ERICH5: variants seen among roughly 807,000 people sequenced by gnomAD.
ERICH5 encodes the protein glutamate-rich protein 5.
In ERICH5, 24 loss-of-function variants were observed where a neutral mutation model predicts 28.0. The ratio of observed to expected loss-of-function variants is 0.86; its 90% CI spans 0.62 to 1.21. The LOEUF (loss-of-function observed/expected upper bound fraction) is 1.21, where lower values mean the gene tolerates loss of function less well. ERICH5 is among the 50% of genes most tolerant of loss of function. The probability of loss-of-function intolerance (pLI) is 0.00; values close to 1 mark genes in which losing one functional copy is unlikely to be tolerated. For synonymous variants in ERICH5, 163 were observed against 157.6 expected, an observed-to-expected ratio of 1.03 and a Z score of -0.25; for missense variants, 421 against 441.2, an observed-to-expected ratio of 0.95 and a Z score of 0.41.
intron 1 of ERICH5, among the ~76,000 whole-genome samples, chr8:98,079,963 G>T (rs1239557487): frequency 6.6e-6 from 1 of 152,170 alleles, no homozygotes; most frequent in Non-Finnish European, 1.5e-5. Flanking sequence ...CTTTAATGTT[G>T]CAAGTTAGCT....
In ERICH5 at chr8:98,089,808, A is replaced by T; in HGVS notation, c.791A>T (p.Glu264Val). 4.3e-6 allele frequency: 7 copies of T among 1,614,178 alleles called. No individual in the cohort carries two copies. Among genetic ancestry groups the T allele is most frequent in the Non-Finnish European group, 5.1e-6 (6 of 1,180,014 alleles). Residue 264 changes from glutamate (E) to valine (V), a missense_variant, in exon 2 of 3, where the codon GAG becomes GTG. Glu to Val is a moderately radical substitution (Grantham distance 121). Transcript: ENST00000318528. ...QPQLLERIPK[E>V]NVTPEVLDRS... is the part of the protein sequence containing the mutation. ...CAGCTTCTAGAAAGAATTCCCAAAGAGAATGTAACACCAGAAGTATTGGAC... is the reference window on the plus strand; with the variant it reads ...CAGCTTCTAGAAAGAATTCCCAAAGTGAATGTAACACCAGAAGTATTGGAC...
At chr8:98,088,331 A>G (rs16896628) in intron 1 of ERICH5, among the ~76,000 whole-genome samples, 42,800 of 152,130 alleles carry the variant, frequency 0.28, 6,319 homozygotes, top group East Asian at 0.4. Context: ...ATCAATATGA[A>G]GGAGAGAAGA....
chr8:98,079,502 T>G, intron 1 of ERICH5, among the ~76,000 whole-genome samples: 1 of 152,208 alleles, frequency 6.6e-6, no homozygotes, highest in South Asian at 2.1e-4. Flanking sequence ...CAATCAAGTT[T>G]AGTTAAATCA....
chr8:98,083,128 TAGG>T (rs1193350291), intron 1 of ERICH5, among the ~76,000 whole-genome samples: 1 of 152,242 alleles, frequency 6.6e-6, no homozygotes, highest in Non-Finnish European at 1.5e-5. Flanking sequence ...ATTTTTGCTC[TAGG>T]AGAATAATGC....
chr8:98,080,634 TCTTCTC>T (rs963175629), intron 1 of ERICH5, among the ~76,000 whole-genome samples: 9 of 150,794 alleles, frequency 6.0e-5, no homozygotes, highest in Admixed American at 6.0e-4. Flanking sequence ...TCCTTCACCT[TCTTCTC>T]CTTCTCCTTC....
intron 1 of ERICH5, among the ~76,000 whole-genome samples, chr8:98,081,914 A>G (rs1235739798): frequency 6.6e-6 from 1 of 151,442 alleles, no homozygotes; most frequent in African/African-American, 2.4e-5. Flanking sequence ...GGCAACAAGA[A>G]TGAAACTTCG....
intron 1 of ERICH5, among the ~76,000 whole-genome samples, chr8:98,079,166 CTTTT>C (rs528062932): frequency 1.5e-3 from 112 of 75,558 alleles, no homozygotes; most frequent in African/African-American, 5.0e-3. Flanking sequence ...TTTTTTTTTC[CTTTT>C]TTTTTTTTTT....
chr8:98,088,258 T>C (rs1815315432), intron 1 of ERICH5, among the ~76,000 whole-genome samples: 1 of 152,192 alleles, frequency 6.6e-6, no homozygotes. Context: ...ACATATTGCT[T>C]ATCTTAAACT....
chr8:98,093,119 A>G, intron 2 of ERICH5, 102 bp from the exon 3 acceptor site: 1 of 736,354 alleles, frequency 1.4e-6, no homozygotes, highest in East Asian at 2.6e-5. Flanking sequence ...TACTGCTTAG[A>G]CCTGAAGATC....
intron 1 of ERICH5, among the ~76,000 whole-genome samples, chr8:98,082,645 CAAA>C (rs34955015): frequency 1.6e-5 from 2 of 127,886 alleles, no homozygotes; most frequent in Non-Finnish European, 3.2e-5. Context: ...AACTCCATCT[CAAA>C]AAAAAAAAAA....
rs1213254140 is a variant in ERICH5, at chr8:98,089,697, C to T, written c.680C>T (p.Ser227Phe). Residue 227 changes from serine to phenylalanine, a missense_variant, in exon 2 of 3, where the codon TCT becomes TTT. Physicochemically the swap from Ser to Phe is radical, Grantham distance 155 (BLOSUM62 -2). Coordinates refer to ENST00000318528, the MANE Select transcript of ERICH5 (RefSeq NM_173549.3). Reference protein sequence around the residue: ...LLETISKENESPEILEGSQFV... With the variant: ...LLETISKENEFPEILEGSQFV... ...GAAACAATTTCCAAAGAGAATGAAT[C>T]TCCAGAAATATTGGAAGGAAGTCAG... 6.2e-7 allele frequency: 1 copy of T among 1,614,026 alleles called. No individual in the cohort carries two copies. The highest frequency in any genetic ancestry group is 8.5e-7 in the Non-Finnish European group (1 of 1,180,050).
intron 1 of ERICH5, among the ~76,000 whole-genome samples, chr8:98,070,254 C>T (rs1009429185): frequency 5.9e-5 from 9 of 152,046 alleles, no homozygotes; most frequent in African/African-American, 1.2e-4. Flanking sequence ...TGAGTGTGGA[C>T]GCTCGAGCCT....
At chr8:98,092,442 G>A (rs942648348) in intron 2 of ERICH5, among the ~76,000 whole-genome samples, 2 of 152,150 alleles carry the variant, frequency 1.3e-5, no homozygotes, top group African/African-American at 2.4e-5. Flanking sequence ...GATTATAGGC[G>A]TGAGCCACCA....
chr8:98,077,471 A>G (rs1187405037), intron 1 of ERICH5, among the ~76,000 whole-genome samples: 1 of 152,218 alleles, frequency 6.6e-6, no homozygotes, highest in East Asian at 1.9e-4. Context: ...AATAATTTCT[A>G]AAGTGATGTT....
intron 1 of ERICH5, among the ~76,000 whole-genome samples, chr8:98,076,901 G>A: frequency 6.6e-6 from 1 of 152,082 alleles, no homozygotes. Context: ...TCTTCAAAGT[G>A]GAATCAAACT....
chr8:98,065,042 C>G (rs1370933450), intron 1 of ERICH5, among the ~76,000 whole-genome samples: 2 of 152,214 alleles, frequency 1.3e-5, no homozygotes, highest in Admixed American at 6.5e-5. Context: ...GGCCCTAAGG[C>G]GGTTAGCCTC....
chr8:98,084,931 A>G (rs1815245643), intron 1 of ERICH5, among the ~76,000 whole-genome samples: 1 of 151,970 alleles, frequency 6.6e-6, no homozygotes. Context: ...CCCAGTCTCC[A>G]AAGAGCCACC....
chr8:98,088,740 A>G (rs947756063), intron 1 of ERICH5, among the ~76,000 whole-genome samples: 1 of 152,236 alleles, frequency 6.6e-6, no homozygotes, highest in African/African-American at 2.4e-5. Context: ...TCTCAAGAGG[A>G]GAAAGTGTGA....
intron 1 of ERICH5, among the ~76,000 whole-genome samples, chr8:98,088,600 G>GGAAA (rs1425364617): frequency 1.3e-5 from 2 of 152,170 alleles, no homozygotes; most frequent in Middle Eastern, 3.2e-3. Flanking sequence ...TGTGTTAGAA[G>GGAAA]GAAAGTAAGA....
Sources: allele counts gnomAD v4.1 joint callset (sites outside exome capture counted in the v4.1 genomes callset), GRCh38; gene constraint gnomAD v4.1.1; transcripts MANE v1.5; gene names NCBI Gene and HGNC (gene_info 2026-07-23, HGNC 2026-07-21).